The following KCNMA1 variants were observed in gnomAD, a reference collection of about 807,000 sequenced individuals.
The protein encoded by KCNMA1 is Calcium-activated potassium channel subunit alpha-1.
A neutral mutation model predicts 140.0 loss-of-function variants in KCNMA1; 29 were observed. The observed-to-expected ratio is 0.21, with a 90% CI of 0.15 to 0.28. The LOEUF (loss-of-function observed/expected upper bound fraction) is 0.28. Ranked by LOEUF, KCNMA1 falls within the 10% of genes least tolerant of loss-of-function variation. The pLI is 1.00. For synonymous variants in KCNMA1, 612 were observed against 611.9 expected (o/e 1.00, Z 0.00); for missense variants, 880 against 1,602.2 (o/e 0.55, Z 7.70).
chr10:77,252,512 G>A (rs1340437650), intron 2 of KCNMA1, among the ~76,000 whole-genome samples: 1 of 140,354 alleles, frequency 7.1e-6, no homozygotes, highest in South Asian at 2.4e-4. Flanking sequence ...TAAAGACTAA[G>A]CATGATCAAG....
At chr10:76,898,320 T>A (rs976489937) in intron 25 of KCNMA1, among the ~76,000 whole-genome samples, 14 of 151,876 alleles carry the variant, frequency 9.2e-5, no homozygotes, top group African/African-American at 3.4e-4. Context: ...TGGACAAATA[T>A]TATAACTGAA....
chr10:77,031,291 C>A (rs1594224564), intron 15 of KCNMA1, among the ~76,000 whole-genome samples: 1 of 152,290 alleles, frequency 6.6e-6, no homozygotes. Context: ...GCTTTCCTTG[C>A]AAAATCAGAT....
chr10:76,968,076 T>C (rs2074646975), intron 20 of KCNMA1, among the ~76,000 whole-genome samples: 1 of 151,994 alleles, frequency 6.6e-6, no homozygotes, highest in Non-Finnish European at 1.5e-5. Flanking sequence ...TTTCTGCTTG[T>C]GGAAAAAAAG....
In KCNMA1 at chr10:77,538,420, C is replaced by A. The variant is rs185370799; in HGVS notation, c.378+98845G>T. On this transcript the variant is annotated intron_variant, in intron 1 of 27. Transcript: ENST00000286628. Reference sequence around the variant, plus strand: ...CAAGATCCTTGGTCGCTGAAGCAGCCCCAAACCCGCTTTGTCTGGGTCTCT... The same window carrying A: ...CAAGATCCTTGGTCGCTGAAGCAGCACCAAACCCGCTTTGTCTGGGTCTCT... Among the ~76,000 whole-genome samples the A allele has an allele frequency of 2.4e-3, 364 of 152,262 alleles. 1 individual carries two copies. The highest frequency in any genetic ancestry group is 4.1e-3 in the Non-Finnish European group (276 of 68,016).
Position 76,886,958 on chromosome 10 carries a change from G to A in KCNMA1, c.*308C>T, listed in dbSNP as rs1011086600. 3 of 1,224,722 alleles carry A rather than the reference G, an allele frequency of 2.4e-6. No homozygotes were observed. Among genetic ancestry groups the A allele is most frequent in the Non-Finnish European group, 3.1e-6 (3 of 967,646 alleles). 75.9% of individuals were successfully genotyped at this position (1,224,722 alleles called of 1,614,324 possible). A position where few individuals can be genotyped will look rare whatever the true frequency, so the allele number is the denominator to read the frequency against. ...TGCCTAACTGACGTTGATCACAAGT[G>A]CTCCCTTCTAATCTGTGAACTCGTT... is the stretch of plus-strand genomic sequence containing the variant. On this transcript the variant is annotated 3_prime_UTR_variant, in exon 28 of 28. Coordinates refer to ENST00000286628, the MANE Select transcript of KCNMA1 (RefSeq NM_001161352.2).
At chr10:76,889,602 C>T in intron 26 of KCNMA1, 33 bp from the exon 27 acceptor site, 1 of 1,499,956 alleles carries the variant, frequency 6.7e-7, no homozygotes, top group Admixed American at 1.7e-5. Context: ...AGAGAAACAT[C>T]CTTTTTATTT....
rs767569709 is a variant in KCNMA1 at position 76,953,792 on chromosome 10, C to G, written c.2484+9G>C. The G allele has an allele frequency of 4.3e-6, 7 of 1,613,868 alleles. No homozygotes were observed. In the Admixed American group the frequency reaches 1.0e-4, roughly 23 times the overall value. Reference sequence around the variant, plus strand: ...GCGGGCAACATCAGATGCACAGTCCCTCACTCACCAGGATGACTTTCTCTA... The same window carrying G: ...GCGGGCAACATCAGATGCACAGTCCGTCACTCACCAGGATGACTTTCTCTA... On this transcript the variant is annotated intron_variant, in intron 21 of 27. Coordinates refer to ENST00000286628, the MANE Select transcript of KCNMA1 (RefSeq NM_001161352.2).
At chr10:77,028,064 A>G (rs1012416107) in intron 15 of KCNMA1, among the ~76,000 whole-genome samples, 173 bp from the exon 16 acceptor site, 2 of 152,162 alleles carry the variant, frequency 1.3e-5, no homozygotes, top group African/African-American at 4.8e-5. Flanking sequence ...CATCTTCCCT[A>G]TTAAACCTGA....
At chr10:77,139,969 T>G in intron 5 of KCNMA1, among the ~76,000 whole-genome samples, 1 of 152,202 alleles carries the variant, frequency 6.6e-6, no homozygotes, top group East Asian at 1.9e-4. Flanking sequence ...TTATTGCCAT[T>G]TAATAAATAG....
intron 1 of KCNMA1, among the ~76,000 whole-genome samples, chr10:77,469,069 C>A (rs1242815626): frequency 6.6e-6 from 1 of 152,162 alleles, no homozygotes; most frequent in Non-Finnish European, 1.5e-5. Context: ...TGGTTTGAGT[C>A]CCAAATCTGC....
At position 76,966,772 on chromosome 10, in the gene KCNMA1, G is replaced by A. The variant is rs536677161; in HGVS notation, c.2360+3202C>T. Among the ~76,000 whole-genome samples, 14 of 152,270 alleles carry A rather than the reference G, an allele frequency of 9.2e-5. No homozygotes were observed. In the Middle Eastern group the frequency reaches 0.01, roughly 111 times the overall value. On this transcript the variant is annotated intron_variant, in intron 20 of 27. Coordinates refer to ENST00000286628, the MANE Select transcript of KCNMA1 (RefSeq NM_001161352.2). ...GAGCCGGGGACTTGGAAGCCTCCAT[G>A]GCTCACACCTCCTCTGCGGGTGTGG...
chr10:77,071,816 T>C (rs1018408478), intron 14 of KCNMA1, among the ~76,000 whole-genome samples: 1 of 152,208 alleles, frequency 6.6e-6, no homozygotes, highest in East Asian at 1.9e-4. Flanking sequence ...TGTTCCTTTA[T>C]GTGGAGCAAT....
chr10:77,240,394 C>A (rs2056965801), intron 3 of KCNMA1, among the ~76,000 whole-genome samples: 1 of 152,020 alleles, frequency 6.6e-6, no homozygotes, highest in African/African-American at 2.4e-5. Flanking sequence ...GGCAAACGAC[C>A]CGGGGCACCC....
chr10:77,620,370 G>T (rs1351768718), intron 1 of KCNMA1, among the ~76,000 whole-genome samples: 1 of 152,184 alleles, frequency 6.6e-6, no homozygotes, highest in Non-Finnish European at 1.5e-5. Context: ...ACGCTCTGCT[G>T]ACAAATACCT....
intron 19 of KCNMA1, among the ~76,000 whole-genome samples, chr10:77,000,202 A>G (rs777796157): frequency 2.6e-5 from 4 of 152,228 alleles, no homozygotes; most frequent in Non-Finnish European, 5.9e-5. Flanking sequence ...GGTTAGCAAT[A>G]TATGTGTTGG....
chr10:77,574,802 A>G (rs2073404718), intron 1 of KCNMA1, among the ~76,000 whole-genome samples: 1 of 152,250 alleles, frequency 6.6e-6, no homozygotes, highest in African/African-American at 2.4e-5. Context: ...ACACACTGTA[A>G]GTGCCATATA....
chr10:77,381,477 C>T (rs891369512), intron 2 of KCNMA1, among the ~76,000 whole-genome samples: 1 of 152,092 alleles, frequency 6.6e-6, no homozygotes, highest in African/African-American at 2.4e-5. Flanking sequence ...GGGCTCCCTC[C>T]AGGCCTCGGT....
intron 9 of KCNMA1, among the ~76,000 whole-genome samples, chr10:77,103,829 G>A (rs1177984165): frequency 6.6e-6 from 1 of 152,160 alleles, no homozygotes; most frequent in African/African-American, 2.4e-5. Context: ...GGTAGTGGGT[G>A]GGCAGGAGGG....
At chr10:77,215,906 C>CCTCT (rs144962422) in intron 3 of KCNMA1, among the ~76,000 whole-genome samples, 59 of 139,102 alleles carry the variant, frequency 4.2e-4, no homozygotes, top group Middle Eastern at 3.7e-3. Flanking sequence ...TCTCCTCTCT[C>CCTCT]CTCTCTCTCT....
Sources: gnomAD v4.1 joint callset for allele counts (sites outside exome capture counted in the v4.1 genomes callset) on GRCh38, gnomAD v4.1.1 for gene constraint, MANE v1.5 for transcripts, NCBI Gene and HGNC (gene_info 2026-07-23, HGNC 2026-07-21) for gene names.